BACH2: variants seen among roughly 807,000 people sequenced by gnomAD.
BACH2 encodes the protein BACH transcriptional regulator 2, also known as transcription regulator protein BACH2.
A neutral mutation model predicts 61.8 loss-of-function variants in BACH2; 5 were observed. That is an observed-to-expected ratio of 0.08 (90% CI 0.04 to 0.17). The LOEUF (loss-of-function observed/expected upper bound fraction) is 0.17, where lower values mean the gene tolerates loss of function less well. Among genes scored for constraint, BACH2 ranks in the 10% least tolerant of loss-of-function variants. BACH2 has a pLI of 1.00. For synonymous variants in BACH2, 446 were observed against 440.1 expected (o/e 1.01, Z -0.17); for missense variants, 824 against 1,091.1 (o/e 0.76, Z 3.45).
rs543569298 is a variant in BACH2 at position 90,290,176 on chromosome 6, G to A, written c.-446+6304C>T. The stretch of plus-strand genomic sequence containing the variant: ...AGGATTAGGAAGCTGGAGAAAAAGT[G>A]AATCTCAAGTTTCAGACTGTCCCTG... On this transcript the variant is annotated intron_variant, in intron 1 of 8. Coordinates refer to ENST00000257749, the MANE Select transcript of BACH2 (RefSeq NM_021813.4). Among the ~76,000 whole-genome samples, 3 of 152,318 alleles carry A rather than the reference G, an allele frequency of 2.0e-5. No individual in the cohort carries two copies. The South Asian group carries it at 6.2e-4, about 32-fold the overall frequency.
chr6:90,136,726 A>T (rs1784282987), intron 4 of BACH2, among the ~76,000 whole-genome samples: 1 of 152,196 alleles, frequency 6.6e-6, no homozygotes, highest in Admixed American at 6.5e-5. Flanking sequence ...ATTAAGATGA[A>T]AAAAAGGCAA....
chr6:90,181,705 T>G (rs1768171857), intron 4 of BACH2, among the ~76,000 whole-genome samples: 1 of 152,106 alleles, frequency 6.6e-6, no homozygotes, highest in Admixed American at 6.6e-5. Flanking sequence ...CCTCAGCCTC[T>G]TGAGTAGCTG....
At position 90,005,346 on chromosome 6, in the gene BACH2, G is replaced by A. The variant is rs141804138; in HGVS notation, c.243+3256C>T. 2.9e-3 allele frequency among the ~76,000 whole-genome samples: 441 copies of A among 151,850 alleles called. 3 individuals are homozygous for A. The highest frequency in any genetic ancestry group is 0.01 in the African/African-American group (422 of 41,336). On this transcript the variant is annotated intron_variant, in intron 6 of 8. Transcript: ENST00000257749. ...TGGGTCAAATGTGACTAAGAGGAGG[G>A]CAGGGCCAGAAGTTGATTCAAATTT... is the stretch of plus-strand genomic sequence containing the variant.
chr6:90,274,332 C>T (rs371418663), intron 1 of BACH2, among the ~76,000 whole-genome samples: 17 of 152,134 alleles, frequency 1.1e-4, no homozygotes, highest in African/African-American at 3.9e-4. Context: ...AGTCCACACA[C>T]AACAAAAACA....
At chr6:90,197,040 T>TATTACATTA in intron 4 of BACH2, among the ~76,000 whole-genome samples, 1 of 152,348 alleles carries the variant, frequency 6.6e-6, no homozygotes, top group African/African-American at 2.4e-5. Flanking sequence ...TCTACCTTTT[T>TATTACATTA]ATTACATTAA....
intron 4 of BACH2, among the ~76,000 whole-genome samples, chr6:90,119,548 G>T (rs1429760681): frequency 1.3e-5 from 2 of 152,056 alleles, no homozygotes; most frequent in African/African-American, 4.8e-5. Context: ...TGAATATACA[G>T]AATAGCTGAA....
chr6:90,104,564 G>C (rs1191488058), intron 4 of BACH2: 3 of 152,262 alleles, frequency 2.0e-5, no homozygotes, highest in African/African-American at 7.2e-5. Flanking sequence ...AGTTAGGCCA[G>C]GGAGGCATTG....
intron 4 of BACH2, among the ~76,000 whole-genome samples, chr6:90,183,907 T>C (rs1049598102): frequency 6.6e-6 from 1 of 152,216 alleles, no homozygotes; most frequent in Non-Finnish European, 1.5e-5. Flanking sequence ...ACCAAGGAAC[T>C]AAATTCAGTG....
At chr6:89,969,556 C>T (rs1299100202) in intron 6 of BACH2, among the ~76,000 whole-genome samples, 7 of 152,104 alleles carry the variant, frequency 4.6e-5, no homozygotes, top group Non-Finnish European at 8.8e-5. Flanking sequence ...AGCGCAGCAC[C>T]AACAGGAGTC....
At chr6:90,003,873 A>G (rs73752862) in intron 6 of BACH2, among the ~76,000 whole-genome samples, 19,294 of 152,202 alleles carry the variant, frequency 0.13, 1,316 homozygotes, top group Middle Eastern at 0.21. Flanking sequence ...TGCCCTTCTC[A>G]TCCTGGTCAT....
chr6:90,067,109 C>A (rs1263154357), intron 5 of BACH2, among the ~76,000 whole-genome samples: 1 of 152,172 alleles, frequency 6.6e-6, no homozygotes, highest in African/African-American at 2.4e-5. Context: ...AAAGAAAAAT[C>A]ACTTTTGGCT....
rs190347294 is a variant in BACH2, at chr6:89,996,112, C to T, written c.243+12490G>A. 4.2e-4 allele frequency among the ~76,000 whole-genome samples: 64 copies of T among 152,246 alleles called. 1 individual carries two copies. Among genetic ancestry groups the T allele is most frequent in the Admixed American group, 3.7e-3 (57 of 15,300 alleles). On this transcript the variant is annotated intron_variant, in intron 6 of 8. Coordinates refer to ENST00000257749, the MANE Select transcript of BACH2 (RefSeq NM_021813.4). ...TGGTGTTCCTCCTATCTGTCTATAC[C>T]TTTGGCTCTGTGATCTCAGTGCCTT...
intron 4 of BACH2, among the ~76,000 whole-genome samples, chr6:90,113,132 A>T (rs1209246346): frequency 1.3e-5 from 2 of 152,174 alleles, no homozygotes; most frequent in African/African-American, 4.8e-5. Flanking sequence ...ACAAAGAGAT[A>T]CAGATTCCCA....
At chr6:90,292,779 GCT>G (rs1772222360) in intron 1 of BACH2, among the ~76,000 whole-genome samples, 1 of 152,200 alleles carries the variant, frequency 6.6e-6, no homozygotes, top group South Asian at 2.1e-4. Context: ...GCCGACACTA[GCT>G]CTTACATATG....
At chr6:90,145,313 A>T (rs1241848138) in intron 4 of BACH2, among the ~76,000 whole-genome samples, 1 of 152,244 alleles carries the variant, frequency 6.6e-6, no homozygotes, top group African/African-American at 2.4e-5. Context: ...CTGTCAAAAT[A>T]GTATTAAGTG....
intron 4 of BACH2, among the ~76,000 whole-genome samples, chr6:90,097,595 GA>G (rs1782432501): frequency 6.6e-6 from 1 of 152,078 alleles, no homozygotes; most frequent in Admixed American, 6.6e-5. Flanking sequence ...AAGATACTTG[GA>G]ATTCTTGCCT....
chr6:90,017,364 T>C (rs563366168), intron 5 of BACH2, among the ~76,000 whole-genome samples: 105 of 152,082 alleles, frequency 6.9e-4, no homozygotes, highest in African/African-American at 2.5e-3. Flanking sequence ...GGATTACAGG[T>C]GTGTGCCACC....
chr6:89,969,712 G>A (rs1230040064), intron 6 of BACH2, among the ~76,000 whole-genome samples: 1 of 152,132 alleles, frequency 6.6e-6, no homozygotes, highest in Non-Finnish European at 1.5e-5. Flanking sequence ...ACTTCAAATG[G>A]GGCTCATAAA....
At chr6:90,211,692 T>C (rs551710789) in intron 3 of BACH2, among the ~76,000 whole-genome samples, 51 of 150,846 alleles carry the variant, frequency 3.4e-4, no homozygotes, top group African/African-American at 1.2e-3. Flanking sequence ...ATATGGTGAG[T>C]TGGGCTTTTC....
Sources: gnomAD v4.1 joint callset for allele counts (sites outside exome capture counted in the v4.1 genomes callset) on GRCh38, gnomAD v4.1.1 for gene constraint, MANE v1.5 for transcripts, NCBI Gene and HGNC (gene_info 2026-07-23, HGNC 2026-07-21) for gene names.